The following ARL15 variants were observed in gnomAD, a reference collection of about 807,000 sequenced individuals.
ARL15 encodes the protein ADP-ribosylation factor-like protein 15.
Under a neutral mutation model 25.2 loss-of-function variants are expected in ARL15, and 19 were observed. The ratio of observed to expected loss-of-function variants is 0.75; its 90% CI spans 0.53 to 1.10. The LOEUF (loss-of-function observed/expected upper bound fraction) is 1.10, where lower values mean the gene tolerates loss of function less well. Ranked by LOEUF, ARL15 falls within the 50% of genes least tolerant of loss-of-function variation. ARL15 has a pLI of 0.00. For synonymous variants in ARL15, 94 were observed against 86.8 expected, an observed-to-expected ratio of 1.08 and a Z score of -0.46; for missense variants, 220 against 246.0, an observed-to-expected ratio of 0.89 and a Z score of 0.71.
At position 53,944,628 on chromosome 5, in the gene ARL15, C is replaced by G. The variant is rs2112095945; in HGVS notation, c.463-57915G>C. Among the ~76,000 whole-genome samples the G allele has an allele frequency of 3.9e-5, 6 of 152,100 alleles. 1 individual carries two copies. The highest frequency in any genetic ancestry group is 3.9e-4 in the Admixed American group (6 of 15,260). On this transcript the variant is annotated intron_variant, in intron 4 of 4. Transcript: ENST00000504924. ...AAACAAACAAAAAACAAACAACAAA[C>G]CTGATCACCTACTGAGTAGCTCCCG...
chr5:54,045,446 T>C lies in ARL15; in HGVS notation c.462+67756A>G, dbSNP rs148500391. Among the ~76,000 whole-genome samples, 625 of 152,324 alleles carry C rather than the reference T, an allele frequency of 4.1e-3. 8 individuals are homozygous for C. The highest frequency in any genetic ancestry group is 0.014 in the Middle Eastern group (4 of 292). ...TCTAGTTCTGTCTCCTATTCATTTA[T>C]TGTAGATGTTAAAGTGTGACTAGAT... On this transcript the variant is annotated intron_variant, in intron 4 of 4. Coordinates refer to ENST00000504924, the MANE Select transcript of ARL15 (RefSeq NM_019087.3).
intron 4 of ARL15, among the ~76,000 whole-genome samples, chr5:54,099,220 T>A (rs936483428): frequency 6.6e-6 from 1 of 152,130 alleles, no homozygotes. Context: ...ACTACTAATA[T>A]AACAGTACCG....
intron 1 of ARL15, among the ~76,000 whole-genome samples, chr5:54,270,242 T>C (rs1417936222): frequency 1.3e-5 from 2 of 152,232 alleles, no homozygotes; most frequent in African/African-American, 4.8e-5. Context: ...ATTAGAGTCA[T>C]TCACTTTCTC....
At chr5:54,207,238 G>T (rs1333546217) in intron 1 of ARL15, among the ~76,000 whole-genome samples, 2 of 152,208 alleles carry the variant, frequency 1.3e-5, no homozygotes, top group Non-Finnish European at 2.9e-5. Context: ...ATGTATGTGG[G>T]TATCTGTCTG....
chr5:54,144,224 C>A (rs1255255293), intron 3 of ARL15, among the ~76,000 whole-genome samples: 1 of 151,418 alleles, frequency 6.6e-6, no homozygotes, highest in Non-Finnish European at 1.5e-5. Context: ...ATATTTTATG[C>A]TTTTTCTCCT....
intron 3 of ARL15, among the ~76,000 whole-genome samples, chr5:54,152,085 CTGAT>C (rs970718707): frequency 1.9e-4 from 29 of 152,150 alleles, no homozygotes; most frequent in African/African-American, 6.8e-4. Flanking sequence ...GAATTTTTCT[CTGAT>C]TGACAATGTG....
chr5:53,957,189 A>C (rs1210392878), intron 4 of ARL15, among the ~76,000 whole-genome samples: 1 of 152,172 alleles, frequency 6.6e-6, no homozygotes, highest in Non-Finnish European at 1.5e-5. Context: ...TTTTGAAACA[A>C]GGTATTTTTA....
At chr5:53,929,184 A>AT (rs1235744436) in intron 4 of ARL15, among the ~76,000 whole-genome samples, 1 of 151,934 alleles carries the variant, frequency 6.6e-6, no homozygotes, top group Non-Finnish European at 1.5e-5. Flanking sequence ...AAAAAAAAAA[A>AT]AATACATAAA....
intron 4 of ARL15, among the ~76,000 whole-genome samples, chr5:53,996,187 G>A (rs7732139): frequency 0.27 from 41,442 of 152,094 alleles, 5,856 homozygotes; most frequent in East Asian, 0.46. Flanking sequence ...CCGCCTAGCT[G>A]GGGACAATGG....
intron 4 of ARL15, among the ~76,000 whole-genome samples, chr5:54,066,116 A>G (rs1323699129): frequency 6.6e-6 from 1 of 152,154 alleles, no homozygotes; most frequent in African/African-American, 2.4e-5. Flanking sequence ...CAGAGTATAT[A>G]TTGCCCCAAA....
intron 4 of ARL15, among the ~76,000 whole-genome samples, chr5:54,012,824 CTTTTT>C (rs11296991): frequency 7.4e-6 from 1 of 135,430 alleles, no homozygotes; most frequent in Non-Finnish European, 1.6e-5. Context: ...ACGCTGGACT[CTTTTT>C]TTTTTTTTAG....
At chr5:54,007,268 A>G (rs1474995337) in intron 4 of ARL15, among the ~76,000 whole-genome samples, 3 of 152,148 alleles carry the variant, frequency 2.0e-5, no homozygotes. Flanking sequence ...GCTCTTTGTC[A>G]GTTTTATGCA....
intron 4 of ARL15, among the ~76,000 whole-genome samples, chr5:53,957,516 C>T (rs979082076): frequency 7.9e-5 from 12 of 151,838 alleles, no homozygotes; most frequent in African/African-American, 2.9e-4. Flanking sequence ...AAAGCTATAA[C>T]AAAGACATAA....
chr5:53,919,497 C>T (rs1745774111), intron 4 of ARL15, among the ~76,000 whole-genome samples: 1 of 152,092 alleles, frequency 6.6e-6, no homozygotes. Flanking sequence ...AAAGATCAGC[C>T]TAGTGCTTTC....
intron 1 of ARL15, among the ~76,000 whole-genome samples, chr5:54,271,308 T>C (rs544810373): frequency 1.1e-4 from 16 of 152,324 alleles, no homozygotes; most frequent in Non-Finnish European, 2.1e-4. Context: ...CCAAGGGGAA[T>C]TGGTTCCAGG....
chr5:54,261,985 A>C (rs1050699617), intron 1 of ARL15, among the ~76,000 whole-genome samples: 2 of 152,224 alleles, frequency 1.3e-5, no homozygotes, highest in African/African-American at 4.8e-5. Flanking sequence ...TATGTTTTCA[A>C]TATAAGACCT....
At chr5:54,095,251 C>A (rs537694708) in intron 4 of ARL15, among the ~76,000 whole-genome samples, 1 of 151,912 alleles carries the variant, frequency 6.6e-6, no homozygotes, top group Non-Finnish European at 1.5e-5. Context: ...ATGACAAGGC[C>A]GCCTTTTAAA....
At chr5:54,179,046 A>C (rs1754970854) in intron 1 of ARL15, among the ~76,000 whole-genome samples, 1 of 152,164 alleles carries the variant, frequency 6.6e-6, no homozygotes, top group African/African-American at 2.4e-5. Flanking sequence ...AAAGAGGAGG[A>C]AACTGAGGCT....
intron 4 of ARL15, 165 bp downstream of exon 4, chr5:54,113,037 G>A: frequency 1.5e-6 from 1 of 659,084 alleles, no homozygotes; most frequent in Non-Finnish European, 2.6e-6. Context: ...GTAAACAAGT[G>A]CTAACAGATT....
Sources: allele counts gnomAD v4.1 joint callset (sites outside exome capture counted in the v4.1 genomes callset), GRCh38; gene constraint gnomAD v4.1.1; transcripts MANE v1.5; gene names NCBI Gene and HGNC (gene_info 2026-07-23, HGNC 2026-07-21).